The following SEC23IP variants were observed in gnomAD, a reference collection of about 807,000 sequenced individuals.
The protein encoded by SEC23IP is SEC23 interacting protein.
Under a neutral mutation model 113.4 loss-of-function variants are expected in SEC23IP, and 70 were observed. The ratio of observed to expected loss-of-function variants is 0.62; its 90% confidence interval spans 0.51 to 0.75. The LOEUF (loss-of-function observed/expected upper bound fraction) is 0.75, where lower values mean the gene tolerates loss of function less well. Ranked by LOEUF, SEC23IP falls within the 30% of genes least tolerant of loss-of-function variation. SEC23IP has a pLI of 0.00. For synonymous variants in SEC23IP, 398 were observed against 421.0 expected, an observed-to-expected ratio of 0.95 and a Z score of 0.67; for missense variants, 1,160 against 1,204.9, an observed-to-expected ratio of 0.96 and a Z score of 0.55.
At chr10:119,915,700 A>G (rs755202545) in intron 7 of SEC23IP, 48 bp from the exon 8 acceptor site, 1 of 1,402,802 alleles carries the variant, frequency 7.1e-7, no homozygotes. Context: ...CTAGCTATCA[A>G]GCTAGGAGAA....
At chr10:119,903,491 C>T (rs141368350) in intron 3 of SEC23IP, among the ~76,000 whole-genome samples, 1 of 152,110 alleles carries the variant, frequency 6.6e-6, no homozygotes, top group African/African-American at 2.4e-5. Flanking sequence ...TTTGTTTATC[C>T]TGATATATTA....
intron 10 of SEC23IP, among the ~76,000 whole-genome samples, chr10:119,919,082 C>T (rs1284922957): frequency 6.7e-6 from 1 of 149,350 alleles, no homozygotes; most frequent in East Asian, 2.0e-4. Flanking sequence ...CAACCTCCGC[C>T]TTTCGGTTTC....
chr10:119,901,584 GATTT>G (rs1467005604), intron 2 of SEC23IP, among the ~76,000 whole-genome samples: 5 of 152,136 alleles, frequency 3.3e-5, no homozygotes, highest in Non-Finnish European at 5.9e-5. Flanking sequence ...TATACAATTC[GATTT>G]ATTTAAAGTG....
At position 119,935,198 on chromosome 10, in the gene SEC23IP, C is replaced by T. The variant is rs150669323; in HGVS notation, c.*20+1411C>T. On this transcript the variant is annotated intron_variant, in intron 18 of 18. Coordinates refer to ENST00000369075, the MANE Select transcript of SEC23IP (RefSeq NM_007190.4). ...AAAAGAGGCTGGGTGTAGTGGCTCA[C>T]GCCTGTAATCCCAGCACTTTGGGAG... Among the ~76,000 whole-genome samples the T allele has an allele frequency of 1.3e-3, 196 of 152,262 alleles. 2 individuals carry two copies. Among genetic ancestry groups the T allele is most frequent in the African/African-American group, 4.5e-3 (187 of 41,552 alleles).
chr10:119,916,100 TA>T (rs1855044360), intron 8 of SEC23IP, among the ~76,000 whole-genome samples: 1 of 152,228 alleles, frequency 6.6e-6, no homozygotes, highest in Non-Finnish European at 1.5e-5. Context: ...AAGAGAATCT[TA>T]AGAAATTTTA....
rs750618825 is a variant in SEC23IP, at chr10:119,898,833, CAGG to C, written c.571_573del (p.Arg191del). The C allele has an allele frequency of 1.9e-6, 3 of 1,613,778 alleles. No homozygotes were observed. The South Asian group carries it at 3.3e-5, about 18-fold the overall frequency. On this transcript the variant is annotated inframe_deletion, in exon 2 of 19. Coordinates refer to ENST00000369075, the MANE Select transcript of SEC23IP (RefSeq NM_007190.4). ...CATATCGCCATACCCCTGGCAGCAG[CAGG>C]GCTAATCCTTACATTGCACCACCCC...
chr10:119,893,514 CTTTTTTTT>C (rs60552712), intron 1 of SEC23IP, among the ~76,000 whole-genome samples: 2 of 85,338 alleles, frequency 2.3e-5, no homozygotes, highest in African/African-American at 5.1e-5. Context: ...CATTCCTTAT[CTTTTTTTT>C]TTTTTTTTTT....
chr10:119,935,587 G>A (rs778104199), intron 18 of SEC23IP, among the ~76,000 whole-genome samples: 2 of 152,030 alleles, frequency 1.3e-5, no homozygotes, highest in African/African-American at 2.4e-5. Context: ...TCATCCATCC[G>A]TCCAGTATCT....
At chr10:119,910,571 ACATT>A (rs1270165110) in intron 5 of SEC23IP, among the ~76,000 whole-genome samples, 1 of 152,236 alleles carries the variant, frequency 6.6e-6, no homozygotes, top group Non-Finnish European at 1.5e-5. Flanking sequence ...AATAAAAATA[ACATT>A]CATATGCCAA....
At chr10:119,904,021 A>G in intron 3 of SEC23IP, 63 bp from the exon 4 acceptor site, 3 of 1,554,336 alleles carry the variant, frequency 1.9e-6, no homozygotes, top group South Asian at 1.1e-5. Context: ...CGCCCAGCAG[A>G]TTATTTATTA....
At chr10:119,903,069 T>G in intron 3 of SEC23IP, 60 bp downstream of exon 3, 6 of 1,315,096 alleles carry the variant, frequency 4.6e-6, no homozygotes, top group Non-Finnish European at 6.5e-6. Flanking sequence ...ATGAGATCAT[T>G]TATTCATGAT....
Position 119,918,423 on chromosome 10 carries a change from A to G in SEC23IP, c.1784A>G (p.Asn595Ser), listed in dbSNP as rs1460385006. 45 of 1,611,366 alleles carry G rather than the reference A, an allele frequency of 2.8e-5. No individual in the cohort carries two copies. Among genetic ancestry groups the G allele is most frequent in the Non-Finnish European group, 3.8e-5 (45 of 1,177,592 alleles). ...TTAATATTGTTTGACATCCTGTCTA[A>G]TCAAAAAGATTTGAATTTATCAAAG... is the stretch of plus-strand genomic sequence containing the variant. Reference protein sequence around the residue: ...GSLILFDILSNQKDLNLSKCP... With the variant: ...GSLILFDILSSQKDLNLSKCP... The change falls in exon 10 of 19, where the codon AAT becomes AGT. Residue 595 changes from asparagine to serine, a missense_variant. Physicochemically the swap from Asn to Ser is conservative, Grantham distance 46. Transcript: ENST00000369075.
intron 18 of SEC23IP, among the ~76,000 whole-genome samples, chr10:119,936,437 G>A (rs773057913): frequency 9.9e-5 from 15 of 151,194 alleles, no homozygotes; most frequent in Non-Finnish European, 2.2e-4. Context: ...CACCTACTTG[G>A]GAGGCCGAGG....
intron 13 of SEC23IP, among the ~76,000 whole-genome samples, chr10:119,928,457 G>T (rs193219614): frequency 6.6e-6 from 1 of 152,236 alleles, no homozygotes; most frequent in East Asian, 1.9e-4. Context: ...TTGTTAGAAG[G>T]GGCAGCTTAG....
At chr10:119,917,718 T>C in intron 8 of SEC23IP, 118 bp from the exon 9 acceptor site, 1 of 699,660 alleles carries the variant, frequency 1.4e-6, no homozygotes, top group Non-Finnish European at 2.4e-6. Flanking sequence ...CAGAAACAAC[T>C]CATAGTCTGT....
intron 1 of SEC23IP, among the ~76,000 whole-genome samples, chr10:119,897,737 C>T (rs572308845): frequency 6.4e-4 from 97 of 152,278 alleles, no homozygotes; most frequent in African/African-American, 2.2e-3. Flanking sequence ...GGGGCTCATG[C>T]CCGTAATCCC....
intron 10 of SEC23IP, 59 bp from the exon 11 acceptor site, chr10:119,919,385 A>C: frequency 6.9e-7 from 1 of 1,439,034 alleles, no homozygotes; most frequent in East Asian, 2.3e-5. Context: ...GTAGATCAGC[A>C]GTCATTATAT....
chr10:119,927,392 G>C (rs371298627), intron 13 of SEC23IP, among the ~76,000 whole-genome samples: 1 of 152,206 alleles, frequency 6.6e-6, no homozygotes, highest in Non-Finnish European at 1.5e-5. Flanking sequence ...AGAAGAGATA[G>C]GGTGGTGGTG....
chr10:119,892,866 C>T lies in SEC23IP; in HGVS notation c.84C>T (p.Ala28=), dbSNP rs1800105542. Residue 28 remains alanine, a synonymous_variant, in exon 1 of 19, where the codon GCC becomes GCT. Transcript: ENST00000369075. ...CTAACTTACTTTTCTCCTCCTCGGCCACGGAGTTCAGCTTCAATGTGCCCT... is the reference window on the plus strand; with the variant it reads ...CTAACTTACTTTTCTCCTCCTCGGCTACGGAGTTCAGCTTCAATGTGCCCT... The part of the protein sequence containing the change: ...SGTNLLFSSS[A]TEFSFNVPFI... 6.2e-7 allele frequency: 1 copy of T among 1,614,100 alleles called. No homozygotes were observed. The highest frequency in any genetic ancestry group is 1.3e-5 in the African/African-American group (1 of 75,048).
Sources: allele counts gnomAD v4.1 joint callset (sites outside exome capture counted in the v4.1 genomes callset), GRCh38; gene constraint gnomAD v4.1.1; transcripts MANE v1.5; gene names NCBI Gene and HGNC (gene_info 2026-07-23, HGNC 2026-07-21).